The following SLC6A6 variants were observed in gnomAD, a reference collection of about 807,000 sequenced individuals.
SLC6A6 encodes the protein sodium- and chloride-dependent taurine transporter.
Under a neutral mutation model 68.8 loss-of-function variants are expected in SLC6A6, and 16 were observed. The ratio of observed to expected loss-of-function variants is 0.23; its 90% CI spans 0.16 to 0.35. The LOEUF is 0.35. Ranked by LOEUF, SLC6A6 falls within the 10% of genes least tolerant of loss-of-function variation. The pLI, the probability that SLC6A6 is intolerant of heterozygous loss-of-function variation, is 1.00. For synonymous variants in SLC6A6, 312 were observed against 315.4 expected (o/e 0.99, Z 0.12); for missense variants, 474 against 802.8 (o/e 0.59, Z 4.95).
At chr3:14,466,935 A>G (rs1700633951) in intron 7 of SLC6A6, among the ~76,000 whole-genome samples, 2 of 152,122 alleles carry the variant, frequency 1.3e-5, no homozygotes, top group African/African-American at 2.4e-5. Flanking sequence ...AAGGGGGAGA[A>G]ATCTTCTGAT....
In SLC6A6 at chr3:14,481,786, G is replaced by C; in HGVS notation, c.1667G>C (p.Cys556Ser). Residue 556 changes from cysteine (C) to serine (S), a missense_variant, in exon 14 of 15, where the codon TGC becomes TCC. Transcript: ENST00000622186. This position sits in a 1 kb window ranked among gnomAD's most constrained non-coding sequence, Gnocchi z 4.7. Reference protein sequence around the residue: ...GWSLALSSMLCVPLVIVIRLC... With the variant: ...GWSLALSSMLSVPLVIVIRLC... ...AGCCTGGCCCTTTCCTCCATGCTCT[G>C]CGTTCCCTTGGTCATCGTCATCCGC... 1 of 1,614,142 alleles carries C rather than the reference G, an allele frequency of 6.2e-7. No individual in the cohort carries two copies.
chr3:14,402,852 C>A lies in SLC6A6; in HGVS notation c.-54+5C>A. The stretch of plus-strand genomic sequence containing the variant: ...GCGGCGCCGCAGCCACCCCAGGTAC[C>A]GGAGGGACCGGGAGCTGGGCGCGCA... On this transcript the variant is annotated splice_donor_5th_base_variant and intron_variant, in intron 1 of 14. Coordinates refer to ENST00000622186, the MANE Select transcript of SLC6A6 (RefSeq NM_003043.6). This position sits in a 1 kb window ranked among gnomAD's most constrained non-coding sequence, Gnocchi z 4.8. The A allele has an allele frequency of 5.1e-6, 2 of 395,906 alleles. No homozygotes were observed. Among genetic ancestry groups the A allele is most frequent in the South Asian group, 1.3e-4 (1 of 7,830 alleles). 24.5% of individuals were successfully genotyped at this position (395,906 alleles called of 1,614,324 possible).
chr3:14,476,491 G>T (rs9820113), intron 10 of SLC6A6, among the ~76,000 whole-genome samples: 15,846 of 152,230 alleles, frequency 0.1, 1,235 homozygotes, highest in African/African-American at 0.22. Context: ...AGCCCAGGAA[G>T]GGGTTCCTGG....
chr3:14,452,677 C>G (rs960459540), intron 5 of SLC6A6, among the ~76,000 whole-genome samples: 1 of 152,216 alleles, frequency 6.6e-6, no homozygotes, highest in Non-Finnish European at 1.5e-5. Flanking sequence ...AGTCACCATT[C>G]TCAGCAGAAG....
intron 2 of SLC6A6, among the ~76,000 whole-genome samples, chr3:14,418,095 A>C (rs967466581): frequency 6.6e-6 from 1 of 152,218 alleles, no homozygotes; most frequent in African/African-American, 2.4e-5. Context: ...GAAGTTTCTC[A>C]GATCATCCTC....
chr3:14,477,432 A>T lies in SLC6A6; in HGVS notation c.1347+90A>T. On this transcript the variant is annotated intron_variant, in intron 11 of 14. Transcript: ENST00000622186. This position sits in a 1 kb window ranked among gnomAD's most constrained non-coding sequence, Gnocchi z 4.2. ...GAGGCAGCAGCTGGGTGAGAGGGCC[A>T]GGTAGGGGCTTCATCTCCCAGCCCC... 7.5e-7 allele frequency: 1 copy of T among 1,326,946 alleles called. No homozygotes were observed. The highest frequency in any genetic ancestry group is 1.1e-6 in the Non-Finnish European group (1 of 938,086). The allele number at this position is 1,326,946 out of a possible 1,614,324, so 82.2% of individuals were successfully genotyped here.
At position 14,484,921 on chromosome 3, in the gene SLC6A6, G is replaced by C. The variant is rs368273326; in HGVS notation, c.1777G>C (p.Glu593Gln). The C allele has an allele frequency of 1.1e-5, 17 of 1,612,342 alleles. No individual in the cohort carries two copies. The highest frequency in any genetic ancestry group is 1.4e-5 in the Non-Finnish European group (16 of 1,179,944). The stretch of plus-strand genomic sequence containing the variant: ...ACCCAACCGCTGGGCTGTGGAGCGC[G>C]AGGGAGCCACACCTTACAACTCTCG... ...REPNRWAVEREGATPYNSRTV... is the reference protein window; with the variant it reads ...REPNRWAVERQGATPYNSRTV... Residue 593 changes from glutamate (E) to glutamine (Q), a missense_variant, in exon 15 of 15, where the codon GAG becomes CAG. Around this residue, in one of 2 missense-constraint regions of SLC6A6, gnomAD observed 194 missense variants for 269.8 expected, o/e 0.72. Coordinates refer to ENST00000622186, the MANE Select transcript of SLC6A6 (RefSeq NM_003043.6).
Position 14,489,080 on chromosome 3 carries a change from T to TA in SLC6A6, c.*4083dup, listed in dbSNP as rs557371192. 503 of 150,354 alleles carry TA rather than the reference T, an allele frequency of 3.3e-3. 2 individuals are homozygous for TA. The highest frequency in any genetic ancestry group is 5.1e-3 in the Non-Finnish European group (346 of 67,242). 9.3% of individuals were successfully genotyped at this position (150,354 alleles called of 1,614,324 possible). On this transcript the variant is annotated 3_prime_UTR_variant, in exon 15 of 15. Transcript: ENST00000622186. The stretch of plus-strand genomic sequence containing the variant: ...ATTTTTAAGATATTTTAAACTTTTA[T>TA]AAAAAAAAAATCAACCAACAAGAGA...
intron 2 of SLC6A6, among the ~76,000 whole-genome samples, chr3:14,419,016 C>T (rs1699428100): frequency 1.3e-5 from 2 of 152,182 alleles, no homozygotes; most frequent in South Asian, 4.1e-4. Flanking sequence ...TGCCGTGAGG[C>T]TGGAATGTGA....
chr3:14,457,223 C>T (rs935113006), intron 5 of SLC6A6, among the ~76,000 whole-genome samples: 6 of 152,170 alleles, frequency 3.9e-5, no homozygotes, highest in African/African-American at 1.2e-4. Flanking sequence ...GTGACTGTCC[C>T]GTGCCAATTA....
rs566551114 is a variant in SLC6A6, at chr3:14,468,781, A to T, written c.1096+569A>T. On this transcript the variant is annotated intron_variant, in intron 9 of 14. Transcript: ENST00000622186. The surrounding 1 kb of genome is among the most constrained non-coding windows in gnomAD (Gnocchi z 4.5). ...ACCTACTGGGACGGTGGCAGATCCA[A>T]CTGGGGGTGGGTTGTAAGCACAGTG... 6.6e-5 allele frequency among the ~76,000 whole-genome samples: 10 copies of T among 152,006 alleles called. No homozygotes were observed. The highest frequency in any genetic ancestry group is 1.3e-4 in the Non-Finnish European group (9 of 68,004).
chr3:14,406,178 T>C (rs569628102), intron 1 of SLC6A6, among the ~76,000 whole-genome samples: 6 of 152,080 alleles, frequency 3.9e-5, no homozygotes, highest in Non-Finnish European at 8.8e-5. Flanking sequence ...GGCGTTTTAT[T>C]TTTTCACATA....
chr3:14,421,808 T>C (rs1180579284), intron 2 of SLC6A6, among the ~76,000 whole-genome samples: 1 of 152,186 alleles, frequency 6.6e-6, no homozygotes, highest in East Asian at 1.9e-4. Context: ...AGCCTGGATT[T>C]AGCCCACATC....
At chr3:14,423,567 G>T (rs958889164) in intron 2 of SLC6A6, among the ~76,000 whole-genome samples, 1 of 152,022 alleles carries the variant, frequency 6.6e-6, no homozygotes, top group Non-Finnish European at 1.5e-5. Context: ...CCTGCTCAAG[G>T]TCACACAGCA....
chr3:14,431,774 T>C (rs1004921024), intron 2 of SLC6A6, among the ~76,000 whole-genome samples: 5 of 152,062 alleles, frequency 3.3e-5, no homozygotes, highest in African/African-American at 9.7e-5. Flanking sequence ...CTGGTCGAGC[T>C]GAATTTCTGA....
chr3:14,447,545 C>T (rs1362034762), intron 4 of SLC6A6, 37 bp from the exon 5 acceptor site: 7 of 1,610,718 alleles, frequency 4.3e-6, no homozygotes, highest in Non-Finnish European at 5.9e-6. Flanking sequence ...TCTGGCCTCC[C>T]TCAGATGTTT....
chr3:14,481,800 A>G lies in SLC6A6; in HGVS notation c.1681A>G (p.Ile561Val). The change falls in exon 14 of 15, where the codon ATC becomes GTC. Residue 561 changes from isoleucine to valine, a missense_variant. Transcript: ENST00000622186. This position sits in a 1 kb window ranked among gnomAD's most constrained non-coding sequence, Gnocchi z 4.7. The part of the protein sequence containing the change: ...LSSMLCVPLV[I>V]VIRLCQTEGP... The stretch of plus-strand genomic sequence containing the variant: ...CTCCATGCTCTGCGTTCCCTTGGTC[A>G]TCGTCATCCGCCTCTGCCAGACTGA... 1.2e-6 allele frequency: 2 copies of G among 1,614,082 alleles called. No homozygotes were observed. The highest frequency in any genetic ancestry group is 1.7e-6 in the Non-Finnish European group (2 of 1,179,996).
intron 6 of SLC6A6, 70 bp downstream of exon 6, chr3:14,458,152 C>A: frequency 7.0e-7 from 1 of 1,438,020 alleles, no homozygotes; most frequent in Non-Finnish European, 9.8e-7. Flanking sequence ...CCCCCACTTC[C>A]CGCCTGCAAT....
intron 2 of SLC6A6, among the ~76,000 whole-genome samples, chr3:14,434,790 C>G (rs1231146201): frequency 1.3e-5 from 2 of 152,198 alleles, no homozygotes; most frequent in Non-Finnish European, 2.9e-5. Flanking sequence ...TGCCGTGCCT[C>G]CACCCCTCCC....
Sources: allele counts gnomAD v4.1 joint callset (sites outside exome capture counted in the v4.1 genomes callset), GRCh38; gene constraint gnomAD v4.1.1; regional missense constraint gnomAD v4.1.1; non-coding constraint Gnocchi (gnomAD v3.1); transcripts MANE v1.5; gene names NCBI Gene and HGNC (gene_info 2026-07-23, HGNC 2026-07-21).